Variants in IGF2R observed in about 807,000 individuals in gnomAD.
The protein encoded by IGF2R is cation-independent mannose-6-phosphate receptor.
In IGF2R, 91 loss-of-function variants were observed where a neutral mutation model predicts 270.6. That is an observed-to-expected ratio of 0.34 (90% CI 0.28 to 0.40). The LOEUF is 0.40. Among genes scored for constraint, IGF2R ranks in the 10% least tolerant of loss-of-function variants. IGF2R has a pLI of 1.00. For missense variants in IGF2R, 2,805 were observed against 3,188.3 expected, an observed-to-expected ratio of 0.88 and a Z score of 2.90; for synonymous variants, 1,316 against 1,258.9, an observed-to-expected ratio of 1.05 and a Z score of -0.96.
intron 19 of IGF2R, among the ~76,000 whole-genome samples, chr6:160,056,017 C>T (rs530715548): frequency 2.6e-5 from 4 of 152,290 alleles, no homozygotes; most frequent in African/African-American, 9.6e-5. Flanking sequence ...GAGCATCCTC[C>T]TGACCTCTGA....
intron 4 of IGF2R, among the ~76,000 whole-genome samples, chr6:160,013,398 C>A: frequency 8.0e-6 from 1 of 124,330 alleles, no homozygotes; most frequent in African/African-American, 3.1e-5. Flanking sequence ...GTAGATACCA[C>A]ATGGTTCTTT....
rs1554234680 is a variant in IGF2R, at chr6:159,980,230, A to AG, written c.149+10836dup. Among the ~76,000 whole-genome samples, 71 of 125,030 alleles carry AG rather than the reference A, an allele frequency of 5.7e-4. 5 individuals are homozygous for AG. Among genetic ancestry groups the AG allele is most frequent in the African/African-American group, 2.1e-3 (66 of 31,376 alleles). The allele number at this position is 125,030 out of a possible 152,430, so 82.0% of individuals were successfully genotyped here. ...AAGAAAGAAAGAAAGAAAGAAAGAA[A>AG]GAAAGAAAGGTACATGGAAGATTCG... is the stretch of plus-strand genomic sequence containing the variant. On this transcript the variant is annotated intron_variant, in intron 1 of 47. Transcript: ENST00000356956.
At chr6:160,065,842 A>ATATATATATATG in intron 29 of IGF2R, among the ~76,000 whole-genome samples, 1 of 104,888 alleles carries the variant, frequency 9.5e-6, no homozygotes, top group African/African-American at 3.5e-5. Context: ...ATATATATAT[A>ATATATATATATG]TATGTATTTT....
chr6:160,050,995 G>A lies in IGF2R; in HGVS notation c.2694+343G>A, dbSNP rs1427615273. On this transcript the variant is annotated intron_variant, in intron 19 of 47. Transcript: ENST00000356956. This position sits in a 1 kb window ranked among gnomAD's most constrained non-coding sequence, Gnocchi z 4.0. Reference sequence around the variant, plus strand: ...TCGTGGCAGTGGAACGGGGCTTAGAGATAGTTTGGTCCTGTAGGGGCCAAG... The same window carrying A: ...TCGTGGCAGTGGAACGGGGCTTAGAAATAGTTTGGTCCTGTAGGGGCCAAG... Among the ~76,000 whole-genome samples, 1 of 152,168 alleles carries A rather than the reference G, an allele frequency of 6.6e-6. No individual in the cohort carries two copies. The highest frequency in any genetic ancestry group is 1.5e-5 in the Non-Finnish European group (1 of 68,020).
At chr6:160,028,946 A>G (rs1324968122) in intron 6 of IGF2R, among the ~76,000 whole-genome samples, 2 of 146,826 alleles carry the variant, frequency 1.4e-5, no homozygotes, top group Non-Finnish European at 3.0e-5. Context: ...CTCTTTCCTT[A>G]TTCTAGGACA....
chr6:160,104,571 C>G, intron 47 of IGF2R, 103 bp from the exon 48 acceptor site: 1 of 1,249,678 alleles, frequency 8.0e-7, no homozygotes, highest in Non-Finnish European at 1.1e-6. Context: ...GCCAGTTCTT[C>G]CCCAGCTCGT....
Position 160,047,796 on chromosome 6 carries a change from A to G in IGF2R, c.2234A>G (p.Glu745Gly). 1 of 1,605,722 alleles carries G rather than the reference A, an allele frequency of 6.2e-7. No individual in the cohort carries two copies. ...AGVGFPEYQE[E>G]DNSTYNFRWY... is the part of the protein sequence containing the mutation. Reference sequence around the variant, plus strand: ...CGCGCATCTGCCGTGGATTAGGAAGAGGATAACTCCACCTACAACTTCCGG... The same window carrying G: ...CGCGCATCTGCCGTGGATTAGGAAGGGGATAACTCCACCTACAACTTCCGG... Residue 745 changes from glutamate to glycine, a missense_variant, in exon 17 of 48, where the codon GAG becomes GGG. Physicochemically the swap from Glu to Gly is moderately conservative, Grantham distance 98. Around this residue, in one of 2 missense-constraint regions of IGF2R, gnomAD observed 954 missense variants for 981.1 expected, o/e 0.97. Transcript: ENST00000356956.
chr6:159,973,821 T>A (rs1001002041), intron 1 of IGF2R, among the ~76,000 whole-genome samples: 6 of 152,210 alleles, frequency 3.9e-5, no homozygotes, highest in African/African-American at 1.4e-4. Context: ...AGAGAAATAA[T>A]TGAGATGTTC....
At chr6:160,065,801 T>TGC (rs1248125489) in intron 29 of IGF2R, among the ~76,000 whole-genome samples, 5 of 64,518 alleles carry the variant, frequency 7.7e-5, no homozygotes, top group African/African-American at 2.9e-4. Context: ...TGTGTGTGTG[T>TGC]GTGTGTGTGT....
chr6:160,084,320 TGACTGTTCCTG>T lies in IGF2R; in HGVS notation c.6068+139_6068+149del. On this transcript the variant is annotated intron_variant, in intron 40 of 47. Coordinates refer to ENST00000356956, the MANE Select transcript of IGF2R (RefSeq NM_000876.4). This position sits in a 1 kb window ranked among gnomAD's most constrained non-coding sequence, Gnocchi z 4.6. ...TGTGAGGCTGATGGTGGTTGAGTTG[TGACTGTTCCTG>T]GAAGCAGCCCGCAGTGTCAATCCTG... The T allele has an allele frequency of 1.6e-6, 1 of 631,050 alleles. No individual in the cohort carries two copies. Among genetic ancestry groups the T allele is most frequent in the East Asian group, 2.7e-5 (1 of 36,582 alleles). 39.1% of individuals were successfully genotyped at this position (631,050 alleles called of 1,614,324 possible).
chr6:159,976,590 A>G (rs1405300083), intron 1 of IGF2R, among the ~76,000 whole-genome samples: 1 of 152,080 alleles, frequency 6.6e-6, no homozygotes. Flanking sequence ...TAAGAAATAT[A>G]TTTAAAGCTT....
chr6:160,084,415 A>G lies in IGF2R; in HGVS notation c.6068+231A>G, dbSNP rs1295295321. The stretch of plus-strand genomic sequence containing the variant: ...CAGGAGCTTTGGTGACTGGAAACGG[A>G]GCCTCTGGAGCTGGAAGAACCTGGG... On this transcript the variant is annotated intron_variant, in intron 40 of 47. Transcript: ENST00000356956. The surrounding 1 kb of genome is among the most constrained non-coding windows in gnomAD (Gnocchi z 4.6). Among the ~76,000 whole-genome samples, 1 of 152,070 alleles carries G rather than the reference A, an allele frequency of 6.6e-6. No homozygotes were observed. Among genetic ancestry groups the G allele is most frequent in the African/African-American group, 2.4e-5 (1 of 41,390 alleles).
chr6:160,088,977 C>T (rs1779155659), intron 42 of IGF2R, 130 bp from the exon 43 acceptor site: 2 of 913,712 alleles, frequency 2.2e-6, no homozygotes, highest in Non-Finnish European at 3.2e-6. Context: ...CGGGACCCAA[C>T]TGAAGTCTCG....
At chr6:160,035,819 T>G (rs919168002) in intron 10 of IGF2R, among the ~76,000 whole-genome samples, 1 of 152,130 alleles carries the variant, frequency 6.6e-6, no homozygotes, top group African/African-American at 2.4e-5. Context: ...GTGCTTAGTG[T>G]TGTCGCTCCG....
At chr6:159,989,822 T>C (rs146541483) in intron 1 of IGF2R, among the ~76,000 whole-genome samples, 1 of 152,394 alleles carries the variant, frequency 6.6e-6, no homozygotes, top group African/African-American at 2.4e-5. Context: ...TTTTACAAAA[T>C]GGACAAAACA....
chr6:160,043,339 A>G, intron 12 of IGF2R, 51 bp downstream of exon 12: 2 of 1,567,024 alleles, frequency 1.3e-6, no homozygotes, highest in East Asian at 2.3e-5. Context: ...TAGGGCATCC[A>G]GTTTGGAATG....
chr6:160,077,239 T>A (rs531046172), intron 36 of IGF2R, among the ~76,000 whole-genome samples: 3 of 152,346 alleles, frequency 2.0e-5, no homozygotes, highest in African/African-American at 7.2e-5. Flanking sequence ...TGCATCTGTT[T>A]ATAAGCGTAT....
intron 31 of IGF2R, 122 bp downstream of exon 31, chr6:160,070,180 G>A (rs1778685240): frequency 4.3e-6 from 4 of 932,250 alleles, no homozygotes; most frequent in African/African-American, 1.6e-5. Flanking sequence ...GGGATGATGC[G>A]CCCTTACCAG....
chr6:160,048,619 G>A, intron 18 of IGF2R, 76 bp downstream of exon 18: 1 of 1,466,394 alleles, frequency 6.8e-7, no homozygotes. Context: ...GTTATTCTGG[G>A]ACATCCAGAT....
Sources: allele counts gnomAD v4.1 joint callset (sites outside exome capture counted in the v4.1 genomes callset), GRCh38; gene constraint gnomAD v4.1.1; regional missense constraint gnomAD v4.1.1; non-coding constraint Gnocchi (gnomAD v3.1); transcripts MANE v1.5; gene names NCBI Gene and HGNC (gene_info 2026-07-23, HGNC 2026-07-21).